Variants in MALRD1 observed in about 807,000 individuals in gnomAD.
MALRD1 encodes the protein MAM and LDL-receptor class A domain-containing protein 1.
Under a neutral mutation model 242.1 loss-of-function variants are expected in MALRD1, and 247 were observed. That is an observed-to-expected ratio of 1.02 (90% CI 0.92 to 1.13). The LOEUF (loss-of-function observed/expected upper bound fraction) is 1.13, where lower values mean the gene tolerates loss of function less well. MALRD1 is among the 50% of genes most tolerant of loss of function. The pLI is 0.00. For synonymous variants in MALRD1, 995 were observed against 866.6 expected (o/e 1.15, Z -2.60); for missense variants, 2,989 against 2,533.1 (o/e 1.18, Z -3.86).
At chr10:19,446,178 C>T (rs916913993) in intron 28 of MALRD1, among the ~76,000 whole-genome samples, 10 of 90,424 alleles carry the variant, frequency 1.1e-4, no homozygotes, top group South Asian at 3.2e-4. Flanking sequence ...TTCCATGTAC[C>T]GTCTGTCATG....
chr10:19,441,667 T>G (rs1834659920), intron 28 of MALRD1, among the ~76,000 whole-genome samples: 1 of 152,114 alleles, frequency 6.6e-6, no homozygotes, highest in African/African-American at 2.4e-5. Flanking sequence ...TTTCTAAGGT[T>G]TCTGTTCTGT....
rs367917041 is a variant in MALRD1 at position 19,389,444 on chromosome 10, G to C, written c.4688-8G>C. On this transcript the variant is annotated splice_polypyrimidine_tract_variant and splice_region_variant and intron_variant, in intron 27 of 39. Coordinates refer to ENST00000454679, the MANE Select transcript of MALRD1 (RefSeq NM_001142308.3). ...TCGTTCTTCTCTGAATTCTGTCCTT[G>C]TTCCTAGGGCACTTCATGTATCTGG... 1 of 1,549,620 alleles carries C rather than the reference G, an allele frequency of 6.5e-7. No individual in the cohort carries two copies. The highest frequency in any genetic ancestry group is 8.7e-7 in the Non-Finnish European group (1 of 1,146,502).
chr10:19,489,121 G>A (rs752833658), intron 29 of MALRD1: 72 of 465,106 alleles, frequency 1.5e-4, no homozygotes, highest in Non-Finnish European at 2.8e-4. Context: ...GGTCAGCTCT[G>A]CTGAAGGGGC....
At chr10:19,392,425 G>A (rs1480759507) in intron 28 of MALRD1, among the ~76,000 whole-genome samples, 3 of 152,064 alleles carry the variant, frequency 2.0e-5, no homozygotes, top group Admixed American at 2.0e-4. Flanking sequence ...TATACACATT[G>A]CATAGAATAT....
At chr10:19,132,714 C>T (rs895896293) in intron 8 of MALRD1, among the ~76,000 whole-genome samples, 6 of 152,078 alleles carry the variant, frequency 3.9e-5, no homozygotes, top group African/African-American at 1.2e-4. Flanking sequence ...ATAATTATGT[C>T]AATCTTCACA....
chr10:19,289,526 C>T (rs12241298), intron 21 of MALRD1, among the ~76,000 whole-genome samples: 18,116 of 152,156 alleles, frequency 0.12, 1,170 homozygotes, highest in East Asian at 0.17. Context: ...ATGTGCTCTA[C>T]ATGACAATAA....
intron 19 of MALRD1, among the ~76,000 whole-genome samples, chr10:19,268,272 G>T (rs1378454526): frequency 6.6e-6 from 1 of 151,862 alleles, no homozygotes; most frequent in Non-Finnish European, 1.5e-5. Flanking sequence ...TGCATAGTTT[G>T]TGGCAAACAG....
chr10:19,168,111 G>T (rs911062459), intron 13 of MALRD1, among the ~76,000 whole-genome samples: 2 of 152,108 alleles, frequency 1.3e-5, no homozygotes, highest in East Asian at 1.9e-4. Flanking sequence ...AGAACTCTAG[G>T]CTCGATCATT....
intron 10 of MALRD1, among the ~76,000 whole-genome samples, chr10:19,137,289 G>T (rs554625937): frequency 5.9e-5 from 9 of 151,936 alleles, no homozygotes; most frequent in African/African-American, 1.9e-4. Flanking sequence ...AGGAAGGGCC[G>T]CTCTCCTCTT....
At chr10:19,442,747 C>T (rs535648876) in intron 28 of MALRD1, among the ~76,000 whole-genome samples, 18 of 152,206 alleles carry the variant, frequency 1.2e-4, no homozygotes, top group Admixed American at 2.6e-4. Flanking sequence ...ATTTTTGCAT[C>T]GAGGTTCATC....
chr10:19,245,847 T>C (rs1221170416), intron 18 of MALRD1, among the ~76,000 whole-genome samples: 2 of 152,196 alleles, frequency 1.3e-5, no homozygotes, highest in African/African-American at 2.4e-5. Flanking sequence ...TGCTATTGAA[T>C]GTCACAATAT....
At chr10:19,692,867 T>TTATATATATATATATATATA (rs1254775928) in intron 38 of MALRD1, among the ~76,000 whole-genome samples, 362 of 29,594 alleles carry the variant, frequency 0.012, 5 homozygotes, top group East Asian at 0.057. Flanking sequence ...ATAGATGAAA[T>TTATATATATATATATATATA]TATATATATA....
intron 29 of MALRD1, among the ~76,000 whole-genome samples, chr10:19,489,797 ATGT>A (rs1227439447): frequency 1.3e-5 from 2 of 152,120 alleles, no homozygotes; most frequent in African/African-American, 4.8e-5. Context: ...TTCTATTCCC[ATGT>A]TGTTTTGTAG....
intron 18 of MALRD1, among the ~76,000 whole-genome samples, chr10:19,243,774 G>A (rs547046794): frequency 2.0e-5 from 3 of 152,246 alleles, no homozygotes; most frequent in Admixed American, 2.0e-4. Context: ...TTAGAAATAT[G>A]TAATAACCAT....
At chr10:19,634,765 G>C (rs1342565328) in intron 36 of MALRD1, among the ~76,000 whole-genome samples, 1 of 152,080 alleles carries the variant, frequency 6.6e-6, no homozygotes, top group Non-Finnish European at 1.5e-5. Flanking sequence ...TAAGAAGTCA[G>C]AACGCTATAA....
intron 34 of MALRD1, among the ~76,000 whole-genome samples, chr10:19,603,854 C>G (rs1382110587): frequency 6.6e-6 from 1 of 152,110 alleles, no homozygotes; most frequent in Non-Finnish European, 1.5e-5. Context: ...ATGAACCATG[C>G]CCATATAAGA....
chr10:19,288,584 G>A (rs1240938140), intron 21 of MALRD1, among the ~76,000 whole-genome samples: 1 of 151,716 alleles, frequency 6.6e-6, no homozygotes, highest in Non-Finnish European at 1.5e-5. Context: ...ACCTCATTTT[G>A]TTCTTTGTTA....
chr10:19,161,442 A>G lies in MALRD1; in HGVS notation c.1657-4195A>G, dbSNP rs192562499. 9.9e-3 allele frequency among the ~76,000 whole-genome samples: 1,335 copies of G among 134,428 alleles called. 65 individuals carry two copies. The East Asian group carries it at 0.14, about 14-fold the overall frequency. The allele number at this position is 134,428 out of a possible 152,430, so 88.2% of individuals were successfully genotyped here. ...TGGGTGCAGCGCACCAGCGTGGCAC[A>G]TGTATACATATGTAACTAACCTGCA... On this transcript the variant is annotated intron_variant, in intron 12 of 39. Transcript: ENST00000454679.
intron 33 of MALRD1, among the ~76,000 whole-genome samples, chr10:19,586,713 A>C (rs967252894): frequency 2.0e-5 from 3 of 152,230 alleles, no homozygotes; most frequent in African/African-American, 7.2e-5. Context: ...GGTGGAGCCT[A>C]CAGAGGCCCG....
Sources: allele counts gnomAD v4.1 joint callset (sites outside exome capture counted in the v4.1 genomes callset), GRCh38; gene constraint gnomAD v4.1.1; transcripts MANE v1.5; gene names NCBI Gene and HGNC (gene_info 2026-07-23, HGNC 2026-07-21).